The following IGF2R variants were observed in gnomAD, a reference collection of about 807,000 sequenced individuals.
The protein encoded by IGF2R is cation-independent mannose-6-phosphate receptor.
Under a neutral mutation model 270.6 loss-of-function variants are expected in IGF2R, and 91 were observed. The ratio of observed to expected loss-of-function variants is 0.34; its 90% CI spans 0.28 to 0.40. The LOEUF (loss-of-function observed/expected upper bound fraction) is 0.40, where lower values mean the gene tolerates loss of function less well. Among genes scored for constraint, IGF2R ranks in the 10% least tolerant of loss-of-function variants. The pLI, the probability that IGF2R is intolerant of heterozygous loss-of-function variation, is 1.00. For missense variants in IGF2R, 2,805 were observed against 3,188.3 expected, an observed-to-expected ratio of 0.88 and a Z score of 2.90; for synonymous variants, 1,316 against 1,258.9, an observed-to-expected ratio of 1.05 and a Z score of -0.96.
Position 160,104,779 on chromosome 6 carries a change from A to G in IGF2R, c.7171A>G (p.Ile2391Val). 1 of 1,614,164 alleles carries G rather than the reference A, an allele frequency of 6.2e-7. No homozygotes were observed. Among genetic ancestry groups the G allele is most frequent in the East Asian group, 2.2e-5 (1 of 44,870 alleles). ...QGKEGQENGH[I>V]TTKSVKALSS... ...AAAGGAAGGGCAGGAGAACGGCCAT[A>G]TTACCACCAAGTCAGTGAAAGCCCT... The change falls in exon 48 of 48, where the codon ATT (isoleucine) becomes GTT (valine). Residue 2391 changes from isoleucine (I) to valine (V), a missense_variant. Ile to Val is a conservative substitution (Grantham distance 29). This residue lies in a region of IGF2R where 1,851 missense variants were observed against 2,207.2 expected (regional missense o/e 0.84). Transcript: ENST00000356956.
At chr6:159,969,586 C>CG (rs71542963) in intron 1 of IGF2R, among the ~76,000 whole-genome samples, 191 bp downstream of exon 1, 1 of 152,048 alleles carries the variant, frequency 6.6e-6, no homozygotes, top group Non-Finnish European at 1.5e-5. Flanking sequence ...CGTGCGCAGG[C>CG]GGGGGGCGCG....
chr6:160,023,810 A>C (rs1777491904), intron 4 of IGF2R, among the ~76,000 whole-genome samples: 1 of 152,222 alleles, frequency 6.6e-6, no homozygotes, highest in Non-Finnish European at 1.5e-5. Context: ...ACCATGCACG[A>C]GGTCACCAAG....
intron 2 of IGF2R, among the ~76,000 whole-genome samples, chr6:160,008,666 T>TGA (rs1473679350): frequency 6.6e-6 from 1 of 152,146 alleles, no homozygotes; most frequent in East Asian, 1.9e-4. Flanking sequence ...TGGCGAGGGA[T>TGA]GAGACTAGTG....
At position 160,109,169 on chromosome 6, in the gene IGF2R, G is replaced by A. The variant is rs1473303871; in HGVS notation, c.*4085G>A. ...CACAATCTAGTGAATGGGGTTATTGGTTGTCACACCTGGGAGAGTGAAAAT... is the reference window on the plus strand; with the variant it reads ...CACAATCTAGTGAATGGGGTTATTGATTGTCACACCTGGGAGAGTGAAAAT... On this transcript the variant is annotated 3_prime_UTR_variant, in exon 48 of 48. Transcript: ENST00000356956. 1 of 152,214 alleles carries A rather than the reference G, an allele frequency of 6.6e-6. No homozygotes were observed. The highest frequency in any genetic ancestry group is 6.5e-5 in the Admixed American group (1 of 15,286). The allele number at this position is 152,214 out of a possible 1,614,324, so 9.4% of individuals were successfully genotyped here.
chr6:159,989,263 T>G (rs1783939827), intron 1 of IGF2R, among the ~76,000 whole-genome samples: 1 of 152,180 alleles, frequency 6.6e-6, no homozygotes, highest in South Asian at 2.1e-4. Flanking sequence ...CCACCAGGGC[T>G]GCTCTTTCTC....
chr6:160,090,918 C>G (rs533448052), intron 44 of IGF2R, among the ~76,000 whole-genome samples: 1 of 148,432 alleles, frequency 6.7e-6, no homozygotes, highest in East Asian at 2.0e-4. Context: ...CGAGAAGGAG[C>G]AGGTGCTCCG....
rs1187441899 is a variant in IGF2R, at chr6:160,073,462, A to G, written c.4940A>G (p.Glu1647Gly). The G allele has an allele frequency of 6.2e-7, 1 of 1,614,206 alleles. No homozygotes were observed. Among genetic ancestry groups the G allele is most frequent in the South Asian group, 1.1e-5 (1 of 91,088 alleles). ...FFSWHTPLAC[E>G]QATECSVRNG... is the part of the protein sequence containing the mutation. ...TCCTGGCACACGCCGCTGGCCTGCG[A>G]GCAAGCGGTGAGTTTTCAGATGGGC... Residue 1647 changes from glutamate (E) to glycine (G), a missense_variant, in exon 34 of 48, where the codon GAG becomes GGG. By Grantham distance (98) the Glu-to-Gly change is moderately conservative. Coordinates refer to ENST00000356956, the MANE Select transcript of IGF2R (RefSeq NM_000876.4).
intron 31 of IGF2R, among the ~76,000 whole-genome samples, chr6:160,070,613 CCTTA>C (rs1055976371): frequency 3.5e-4 from 53 of 152,302 alleles, no homozygotes; most frequent in African/African-American, 1.1e-3. Flanking sequence ...TCAGTTCTTC[CCTTA>C]CTTGTTTGGC....
chr6:160,035,137 C>T (rs1390171676), intron 10 of IGF2R, among the ~76,000 whole-genome samples: 2 of 152,180 alleles, frequency 1.3e-5, no homozygotes, highest in Non-Finnish European at 2.9e-5. Context: ...ATTCCGTCAT[C>T]ATCAGAGACC....
chr6:160,080,267 G>A lies in IGF2R; in HGVS notation c.5825G>A (p.Cys1942Tyr). The A allele has an allele frequency of 6.2e-7, 1 of 1,613,918 alleles. No homozygotes were observed. The highest frequency in any genetic ancestry group is 8.5e-7 in the Non-Finnish European group (1 of 1,179,952). ...DYDRDHEWGF[C>Y]RHSNSYRTSS... is the part of the protein sequence containing the mutation. ...GACAGAGACCACGAGTGGGGCTTCTGCAGACACTGTGAGTAGGACGGCTCC... is the reference window on the plus strand; with the variant it reads ...GACAGAGACCACGAGTGGGGCTTCTACAGACACTGTGAGTAGGACGGCTCC... Residue 1942 changes from cysteine to tyrosine, a missense_variant, in exon 39 of 48, where the codon TGC becomes TAC. Around this residue, in one of 2 missense-constraint regions of IGF2R, gnomAD observed 1,851 missense variants for 2,207.2 expected, o/e 0.84. Transcript: ENST00000356956.
chr6:160,065,036 AT>A, intron 29 of IGF2R, 135 bp downstream of exon 29: 1 of 648,564 alleles, frequency 1.5e-6, no homozygotes, highest in Non-Finnish European at 2.8e-6. Context: ...TCATATTAAA[AT>A]GAGGAGTCGG....
rs763362317 is a variant in IGF2R at position 160,032,765 on chromosome 6, G to GA, written c.1045+53dup. The GA allele has an allele frequency of 1.5e-5, 24 of 1,587,234 alleles. No homozygotes were observed. In the South Asian group the frequency reaches 2.6e-4, roughly 17 times the overall value. ...CGCTGCTTAGGAAGAAGGGGATCGA[G>GA]AGAGGGAACGGGACAGTAGGGGCCA... On this transcript the variant is annotated intron_variant, in intron 8 of 47. Coordinates refer to ENST00000356956, the MANE Select transcript of IGF2R (RefSeq NM_000876.4).
At chr6:160,003,560 TTTC>T (rs1278640531) in intron 2 of IGF2R, 4 of 152,240 alleles carry the variant, frequency 2.6e-5, no homozygotes, top group African/African-American at 7.2e-5. Context: ...TATAGTGTAT[TTTC>T]TTCTTATTTA....
Position 160,064,822 on chromosome 6 carries a change from A to T in IGF2R, c.4036A>T (p.Thr1346Ser), listed in dbSNP as rs762831602. 1.4e-5 allele frequency: 22 copies of T among 1,612,096 alleles called. No individual in the cohort carries two copies. Among genetic ancestry groups the T allele is most frequent in the Non-Finnish European group, 1.6e-5 (19 of 1,178,146 alleles). The change falls in exon 29 of 48, where the codon ACT becomes TCT. Residue 1346 changes from threonine (T) to serine (S), a missense_variant. By Grantham distance (58) the Thr-to-Ser change is moderately conservative (BLOSUM62 1). This residue lies in a region of IGF2R where 1,851 missense variants were observed against 2,207.2 expected (regional missense o/e 0.84). Coordinates refer to ENST00000356956, the MANE Select transcript of IGF2R (RefSeq NM_000876.4). ...TTTTTAGCCAGTATTTCTAAAGGAG[A>T]CTTCAGATTGTTCCTACTTGTTTGA... ...GTQRPVFLKETSDCSYLFEWR... is the reference protein window; with the variant it reads ...GTQRPVFLKESSDCSYLFEWR...
In IGF2R at chr6:160,102,629, C is replaced by G. The variant is rs1404361029; in HGVS notation, c.6953C>G (p.Thr2318Ser). The change falls in exon 46 of 48, where the codon ACC becomes AGC. Residue 2318 changes from threonine to serine, a missense_variant. By Grantham distance (58) the Thr-to-Ser change is moderately conservative. Coordinates refer to ENST00000356956, the MANE Select transcript of IGF2R (RefSeq NM_000876.4). This position sits in a 1 kb window ranked among gnomAD's most constrained non-coding sequence, Gnocchi z 4.5. ...AVLSLLLVAL[T>S]CCLLALLLYK... is the part of the protein sequence containing the mutation. The stretch of plus-strand genomic sequence containing the variant: ...CTCAGCCTGCTGCTGGTGGCGCTCA[C>G]CTGCTGCCTGCTGGCCCTGTTGCTC... 6.2e-7 allele frequency: 1 copy of G among 1,612,120 alleles called. No individual in the cohort carries two copies. Among genetic ancestry groups the G allele is most frequent in the Admixed American group, 1.7e-5 (1 of 59,726 alleles).
intron 4 of IGF2R, among the ~76,000 whole-genome samples, chr6:160,016,652 A>G (rs1211578860): frequency 6.6e-6 from 1 of 152,170 alleles, no homozygotes; most frequent in South Asian, 2.1e-4. Flanking sequence ...CTCAGTTACC[A>G]TCATCCCTCA....
rs1778635161 is a variant in IGF2R at position 160,068,294 on chromosome 6, C to T, written c.4161C>T (p.Tyr1387=). Residue 1387 remains tyrosine, a synonymous_variant, in exon 30 of 48, where the codon TAC becomes TAT. Coordinates refer to ENST00000356956, the MANE Select transcript of IGF2R (RefSeq NM_000876.4). The stretch of plus-strand genomic sequence containing the variant: ...TCGACCTCTCGTCCCTGTCAAGGTA[C>T]AGTGACAACTGGGAAGCCATCACTG... ...NSFDLSSLSR[Y]SDNWEAITGT... is the part of the protein sequence containing the mutation. The T allele has an allele frequency of 6.2e-7, 1 of 1,614,262 alleles. No homozygotes were observed. The highest frequency in any genetic ancestry group is 1.3e-5 in the African/African-American group (1 of 75,060).
chr6:160,028,892 T>G (rs994694990), intron 6 of IGF2R, among the ~76,000 whole-genome samples: 1 of 151,898 alleles, frequency 6.6e-6, no homozygotes, highest in African/African-American at 2.4e-5. Flanking sequence ...AGTCAAATGG[T>G]GTTTCTTCCT....
chr6:160,032,856 A>G, intron 8 of IGF2R, 86 bp from the exon 9 acceptor site: 1 of 1,394,850 alleles, frequency 7.2e-7, no homozygotes. Flanking sequence ...CAGAAATAGG[A>G]TTCAGGTTTG....
Sources: allele counts gnomAD v4.1 joint callset (sites outside exome capture counted in the v4.1 genomes callset), GRCh38; gene constraint gnomAD v4.1.1; regional missense constraint gnomAD v4.1.1; non-coding constraint Gnocchi (gnomAD v3.1); transcripts MANE v1.5; gene names NCBI Gene and HGNC (gene_info 2026-07-23, HGNC 2026-07-21).